MDGA2: variants seen among roughly 807,000 people sequenced by gnomAD.
MDGA2 encodes MAM domain-containing glycosylphosphatidylinositol anchor protein 2.
In MDGA2, 40 loss-of-function variants were observed where a neutral mutation model predicts 117.8. That is an observed-to-expected ratio of 0.34 (90% CI 0.26 to 0.44). The LOEUF is 0.44. Ranked by LOEUF, MDGA2 falls within the 20% of genes least tolerant of loss-of-function variation. MDGA2 has a pLI of 1.00. For synonymous variants in MDGA2, 452 were observed against 439.0 expected (o/e 1.03, Z -0.37); for missense variants, 1,123 against 1,250.6 (o/e 0.90, Z 1.54).
intron 1 of MDGA2, among the ~76,000 whole-genome samples, chr14:47,673,085 G>A (rs1179999586): frequency 6.6e-6 from 1 of 152,106 alleles, no homozygotes; most frequent in Non-Finnish European, 1.5e-5. Flanking sequence ...AGCCAAGAAG[G>A]GAGCTAGAAA....
At chr14:47,629,953 G>A (rs963090882) in intron 1 of MDGA2, among the ~76,000 whole-genome samples, 2 of 152,098 alleles carry the variant, frequency 1.3e-5, no homozygotes, top group Non-Finnish European at 2.9e-5. Context: ...TAAGCACCCA[G>A]GTGATACTGA....
chr14:47,598,383 T>C (rs1896586109), intron 1 of MDGA2, among the ~76,000 whole-genome samples: 1 of 152,212 alleles, frequency 6.6e-6, no homozygotes, highest in South Asian at 2.1e-4. Context: ...CTGGTGTTTG[T>C]AGCTGCATTA....
At chr14:47,161,992 C>T (rs1883659826) in intron 3 of MDGA2, among the ~76,000 whole-genome samples, 2 of 109,890 alleles carry the variant, frequency 1.8e-5, no homozygotes, top group African/African-American at 7.1e-5. Flanking sequence ...GTTATCCAGG[C>T]TGGAGTGCAA....
At chr14:47,291,038 C>T (rs1351094930) in intron 2 of MDGA2, among the ~76,000 whole-genome samples, 2 of 152,140 alleles carry the variant, frequency 1.3e-5, no homozygotes. Flanking sequence ...ATCTAAAGTT[C>T]TGTGCTGTGA....
At chr14:47,530,026 T>A (rs1253654550) in intron 1 of MDGA2, among the ~76,000 whole-genome samples, 2 of 152,212 alleles carry the variant, frequency 1.3e-5, no homozygotes, top group Non-Finnish European at 1.5e-5. Flanking sequence ...GCTGCCAGAA[T>A]GAGCCAACAG....
intron 6 of MDGA2, among the ~76,000 whole-genome samples, chr14:47,095,506 A>C (rs150878016): frequency 6.8e-4 from 104 of 152,092 alleles, no homozygotes; most frequent in African/African-American, 2.4e-3. Flanking sequence ...TTTAAAAAAA[A>C]TCAAAGTATA....
chr14:47,218,461 T>A (rs1886182517), intron 2 of MDGA2, among the ~76,000 whole-genome samples: 1 of 152,170 alleles, frequency 6.6e-6, no homozygotes, highest in East Asian at 1.9e-4. Context: ...ATATAAACTA[T>A]AACATAAAGG....
chr14:46,857,157 A>G (rs192162909), intron 14 of MDGA2, among the ~76,000 whole-genome samples: 12 of 152,282 alleles, frequency 7.9e-5, no homozygotes, highest in Admixed American at 6.5e-4. Context: ...TATATTTTCT[A>G]TAAATTATAA....
chr14:47,493,360 G>A (rs1177433402), intron 1 of MDGA2, among the ~76,000 whole-genome samples: 1 of 150,962 alleles, frequency 6.6e-6, no homozygotes, highest in Non-Finnish European at 1.5e-5. Context: ...CTGTTACCCA[G>A]ATGGGAGTGC....
intron 1 of MDGA2, among the ~76,000 whole-genome samples, chr14:47,403,098 T>C (rs1417140303): frequency 1.3e-5 from 2 of 152,154 alleles, no homozygotes; most frequent in Non-Finnish European, 2.9e-5. Context: ...CCATGCTGAG[T>C]GGCCTTCTTT....
chr14:47,379,510 A>G lies in MDGA2; in HGVS notation c.281-77960T>C, dbSNP rs189344887. ...AGAGACACACATAGGCTCAAAATAA[A>G]GGGATGGAGGAAGATCTACCAAGCA... is the stretch of plus-strand genomic sequence containing the variant. On this transcript the variant is annotated intron_variant, in intron 1 of 16. Transcript: ENST00000399232. Among the ~76,000 whole-genome samples, 102 of 152,326 alleles carry G rather than the reference A, an allele frequency of 6.7e-4. 2 individuals are homozygous for G. Among genetic ancestry groups the G allele is most frequent in the Non-Finnish European group, 1.3e-3 (89 of 68,034 alleles).
At chr14:46,868,324 A>G (rs753471791) in intron 14 of MDGA2, among the ~76,000 whole-genome samples, 1 of 151,966 alleles carries the variant, frequency 6.6e-6, no homozygotes, top group African/African-American at 2.4e-5. Context: ...TAGATAAACA[A>G]ATATTTATTA....
At chr14:47,347,196 C>T (rs1370083261) in intron 1 of MDGA2, among the ~76,000 whole-genome samples, 4 of 152,086 alleles carry the variant, frequency 2.6e-5, no homozygotes, top group Non-Finnish European at 4.4e-5. Flanking sequence ...AGCAGGCAAG[C>T]GACATGGCCA....
chr14:46,904,274 AG>A (rs1438236287), intron 10 of MDGA2, among the ~76,000 whole-genome samples: 1 of 151,368 alleles, frequency 6.6e-6, no homozygotes, highest in East Asian at 2.0e-4. Flanking sequence ...CCGGAGGCTG[AG>A]GCAAGAGAAT....
At chr14:47,084,543 A>G (rs1890827307) in intron 6 of MDGA2, among the ~76,000 whole-genome samples, 1 of 152,094 alleles carries the variant, frequency 6.6e-6, no homozygotes, top group Admixed American at 6.6e-5. Flanking sequence ...AAGTAAAAAT[A>G]AAAGTAATTC....
intron 3 of MDGA2, among the ~76,000 whole-genome samples, chr14:47,155,572 A>G (rs1442932189): frequency 6.6e-6 from 1 of 152,060 alleles, no homozygotes; most frequent in East Asian, 2.0e-4. Flanking sequence ...GCCAACGCCC[A>G]TGCCGGGAGT....
At chr14:47,183,337 C>G (rs550439796) in intron 3 of MDGA2, among the ~76,000 whole-genome samples, 8 of 152,134 alleles carry the variant, frequency 5.3e-5, no homozygotes, top group African/African-American at 1.7e-4. Flanking sequence ...ACATTACAAG[C>G]ATTTCTCCTT....
At chr14:46,949,589 A>G (rs1033386397) in intron 9 of MDGA2, among the ~76,000 whole-genome samples, 6 of 151,972 alleles carry the variant, frequency 3.9e-5, no homozygotes, top group Non-Finnish European at 7.4e-5. Context: ...GGTCCCATTT[A>G]TAGATGAGAA....
chr14:47,234,735 G>A lies in MDGA2; in HGVS notation c.421-16540C>T, dbSNP rs1198800653. Among the ~76,000 whole-genome samples, 3 of 152,100 alleles carry A rather than the reference G, an allele frequency of 2.0e-5. No homozygotes were observed. The East Asian group carries it at 5.8e-4, about 29-fold the overall frequency. On this transcript the variant is annotated intron_variant, in intron 2 of 16. Transcript: ENST00000399232. ...CATTATTTTAGGTAACAGTCTCACAGCAACTCTCATTACAAAATGAATACA... is the reference window on the plus strand; with the variant it reads ...CATTATTTTAGGTAACAGTCTCACAACAACTCTCATTACAAAATGAATACA...
Sources: gnomAD v4.1 joint callset for allele counts (sites outside exome capture counted in the v4.1 genomes callset) on GRCh38, gnomAD v4.1.1 for gene constraint, MANE v1.5 for transcripts, NCBI Gene and HGNC (gene_info 2026-07-23, HGNC 2026-07-21) for gene names.